Variants in DAB1 observed in about 807,000 individuals in gnomAD.
DAB1 encodes disabled homolog 1.
In DAB1, 15 loss-of-function variants were observed where a neutral mutation model predicts 64.6. The ratio of observed to expected loss-of-function variants is 0.23; its 90% confidence interval spans 0.16 to 0.36. The LOEUF is 0.36. Among genes scored for constraint, DAB1 ranks in the 10% least tolerant of loss-of-function variants. DAB1 has a pLI of 1.00. For missense variants in DAB1, 596 were observed against 706.7 expected (o/e 0.84, Z 1.78); for synonymous variants, 235 against 251.9 (o/e 0.93, Z 0.64).
At chr1:58,113,609 G>A (rs750481707) in intron 5 of DAB1, among the ~76,000 whole-genome samples, 11 of 151,922 alleles carry the variant, frequency 7.2e-5, no homozygotes, top group Non-Finnish European at 1.2e-4. Context: ...TTTTGTAAAC[G>A]AAGAGCTAAC....
chr1:58,382,676 A>G (rs550384036), intron 3 of DAB1, among the ~76,000 whole-genome samples: 20 of 152,340 alleles, frequency 1.3e-4, no homozygotes, highest in Admixed American at 8.5e-4. Context: ...AAACTGCTAT[A>G]GACTTTAAAG....
intron 5 of DAB1, among the ~76,000 whole-genome samples, chr1:58,080,834 C>T (rs1005988605): frequency 6.6e-6 from 1 of 152,222 alleles, no homozygotes; most frequent in Non-Finnish European, 1.5e-5. Context: ...AACTACCCAT[C>T]CTGCAACTGA....
intron 7 of DAB1, among the ~76,000 whole-genome samples, chr1:57,436,474 C>T (rs1003468299): frequency 6.6e-6 from 1 of 152,134 alleles, no homozygotes; most frequent in Admixed American, 6.5e-5. Context: ...GCTAACCAGC[C>T]CCTACAACCC....
chr1:57,694,771 A>G (rs919074330), intron 6 of DAB1, among the ~76,000 whole-genome samples: 1 of 152,162 alleles, frequency 6.6e-6, no homozygotes, highest in Non-Finnish European at 1.5e-5. Flanking sequence ...TCCATCTTCA[A>G]CAGTGAACAA....
chr1:58,108,997 G>C (rs1451764641), intron 5 of DAB1, among the ~76,000 whole-genome samples: 2 of 152,168 alleles, frequency 1.3e-5, no homozygotes. Context: ...GCATTGGAAA[G>C]TACCTGAAAT....
intron 1 of DAB1, among the ~76,000 whole-genome samples, chr1:57,840,423 C>T (rs1652998821): frequency 6.6e-6 from 1 of 152,080 alleles, no homozygotes; most frequent in Non-Finnish European, 1.5e-5. Context: ...AAAGAGGGTA[C>T]TGATGCTCCT....
chr1:57,720,683 C>T (rs376646415), intron 6 of DAB1, among the ~76,000 whole-genome samples: 12 of 152,306 alleles, frequency 7.9e-5, no homozygotes, highest in African/African-American at 2.9e-4. Context: ...TGGCACAATG[C>T]CTGTCACATG....
At chr1:57,840,261 T>C (rs1207858499) in intron 1 of DAB1, among the ~76,000 whole-genome samples, 1 of 152,038 alleles carries the variant, frequency 6.6e-6, no homozygotes, top group African/African-American at 2.4e-5. Context: ...ATGTAATCAG[T>C]GTAAGGCTTC....
rs189489801 is a variant in DAB1, at chr1:57,291,654, C to T, written c.-136-488G>A. Among the ~76,000 whole-genome samples, 114 of 152,220 alleles carry T rather than the reference C, an allele frequency of 7.5e-4. 2 individuals carry two copies. Among genetic ancestry groups the T allele is most frequent in the Middle Eastern group, 3.4e-3 (1 of 294 alleles). The stretch of plus-strand genomic sequence containing the variant: ...CATGGAGTTGACATACAAATGGGCT[C>T]CAAGGATAAGGTGACAAATGGGGCC... On this transcript the variant is annotated intron_variant, in intron 1 of 14. Transcript: ENST00000371236.
At chr1:58,442,105 C>T (rs1051116453) in intron 3 of DAB1, among the ~76,000 whole-genome samples, 1 of 152,110 alleles carries the variant, frequency 6.6e-6, no homozygotes, top group Admixed American at 6.6e-5. Context: ...CTTTTTCATT[C>T]TGCTTTATTT....
chr1:57,738,980 C>T (rs1025117447), intron 6 of DAB1, among the ~76,000 whole-genome samples: 13 of 152,140 alleles, frequency 8.5e-5, no homozygotes, highest in Non-Finnish European at 1.9e-4. Context: ...AGAGGCAGAC[C>T]CTAAATCACT....
At chr1:57,438,980 C>T (rs1333177715) in intron 7 of DAB1, among the ~76,000 whole-genome samples, 1 of 152,176 alleles carries the variant, frequency 6.6e-6, no homozygotes, top group Non-Finnish European at 1.5e-5. Flanking sequence ...CCACTCTCAG[C>T]TCTGGGTTGG....
intron 4 of DAB1, among the ~76,000 whole-genome samples, chr1:57,082,817 C>T (rs1245680809): frequency 6.6e-6 from 1 of 152,146 alleles, no homozygotes; most frequent in African/African-American, 2.4e-5. Context: ...CCGAGGATAA[C>T]AGCTTCCAGC....
rs77459610 is a variant in DAB1, at chr1:57,106,249, C to A, written c.306+30294G>T. On this transcript the variant is annotated intron_variant, in intron 4 of 14. Coordinates refer to ENST00000371236, the MANE Select transcript of DAB1 (RefSeq NM_001365792.1). ...AAATCTTTCCTCCTGTTCATTTATCCCCCTAACACCCCCCCCCATCAGTAT... is the reference window on the plus strand; with the variant it reads ...AAATCTTTCCTCCTGTTCATTTATCACCCTAACACCCCCCCCCATCAGTAT... Among the ~76,000 whole-genome samples the A allele has an allele frequency of 1.5e-4, 14 of 96,326 alleles. No homozygotes were observed. The South Asian group carries it at 3.7e-3, about 25-fold the overall frequency. 63.2% of individuals were successfully genotyped at this position (96,326 alleles called of 152,430 possible).
chr1:58,502,149 T>C (rs1461842148), intron 3 of DAB1, among the ~76,000 whole-genome samples: 1 of 152,228 alleles, frequency 6.6e-6, no homozygotes, highest in Admixed American at 6.5e-5. Flanking sequence ...TGTGATGATA[T>C]GCAAGGGATC....
intron 7 of DAB1, among the ~76,000 whole-genome samples, chr1:57,495,430 A>G (rs1448722152): frequency 6.6e-6 from 1 of 152,208 alleles, no homozygotes; most frequent in African/African-American, 2.4e-5. Flanking sequence ...CATTTCAAAG[A>G]TGAATTACGG....
chr1:57,514,059 T>C lies in DAB1; in HGVS notation n.625+135533A>G, dbSNP rs372371392. Among the ~76,000 whole-genome samples, 73 of 152,366 alleles carry C rather than the reference T, an allele frequency of 4.8e-4. 1 individual carries two copies. The East Asian group carries it at 9.2e-3, about 19-fold the overall frequency. On this transcript the variant is annotated intron_variant and non_coding_transcript_variant, in intron 7 of 20. Coordinates refer to the DAB1 transcript ENST00000485760. ...TTTAATGCTGAATAGTTTTCCGTTC[T>C]ATATGTTTTCTTTATTCATTCATCC...
chr1:58,531,102 T>A (rs1287498535), intron 1 of DAB1, among the ~76,000 whole-genome samples: 1 of 152,206 alleles, frequency 6.6e-6, no homozygotes, highest in Non-Finnish European at 1.5e-5. Flanking sequence ...CAGCTATTAC[T>A]AAAAGGACCA....
intron 3 of DAB1, among the ~76,000 whole-genome samples, chr1:58,370,742 T>C (rs1229963113): frequency 6.6e-6 from 1 of 152,096 alleles, no homozygotes; most frequent in Non-Finnish European, 1.5e-5. Context: ...GCTGTGCTTG[T>C]GATAGTGAGT....
Sources: allele counts gnomAD v4.1 joint callset (sites outside exome capture counted in the v4.1 genomes callset), GRCh38; gene constraint gnomAD v4.1.1; transcripts MANE v1.5; gene names NCBI Gene and HGNC (gene_info 2026-07-23, HGNC 2026-07-21).